The following FGA variants were observed in gnomAD, a reference collection of about 807,000 sequenced individuals.
The protein encoded by FGA is fibrinogen alpha chain, also known as fibrinogen, A alpha polypeptide.
A neutral mutation model predicts 20.3 loss-of-function variants in FGA; 20 were observed. That is an observed-to-expected ratio of 0.99 (90% CI 0.69 to 1.43). The LOEUF (loss-of-function observed/expected upper bound fraction) is 1.43. Among genes scored for constraint, FGA ranks in the 40% most tolerant of loss-of-function variants. FGA has a pLI of 0.00. For synonymous variants in FGA, 306 were observed against 281.6 expected (o/e 1.09, Z -0.87); for missense variants, 777 against 784.7 (o/e 0.99, Z 0.12).
chr4:154,584,101 G>GCTCCCATTCCCACTTCGAAGACAGAGTT, downstream of FGA: 1 of 1,557,528 alleles, frequency 6.4e-7, no homozygotes, highest in Non-Finnish European at 8.9e-7. Flanking sequence ...AAGACAGAGT[G>GCTCCCATTCCCACTTCGAAGACAGAGTT]CTCCCATTCC....
Position 154,585,674 on chromosome 4 carries a change from AC to A in FGA, c.1754del (p.Ser585IlefsTer64). The part of the protein sequence containing the change: ...KSSSYSKQFT[S>X]STSYNRGDST... Reference sequence around the variant, plus strand: ...AGTCTCCTCTGTTGTAACTCGTGCTACTAGTAAATTGTTTGCTGTAACTTGA... The same window carrying A: ...AGTCTCCTCTGTTGTAACTCGTGCTATAGTAAATTGTTTGCTGTAACTTGA... On this transcript the variant is annotated frameshift_variant, in exon 5 of 5. Coordinates refer to ENST00000403106, the MANE Select transcript of FGA (RefSeq NM_021871.4). LOFTEE classifies it low-confidence loss of function (END_TRUNC). 6.2e-7 allele frequency: 1 copy of A among 1,614,156 alleles called. No homozygotes were observed. The highest frequency in any genetic ancestry group is 8.5e-7 in the Non-Finnish European group (1 of 1,180,010).
At chr4:154,587,679 T>C in intron 3 of FGA, 22 bp from the exon 4 acceptor site, 1 of 1,609,818 alleles carries the variant, frequency 6.2e-7, no homozygotes, top group Non-Finnish European at 8.5e-7. Flanking sequence ...AATATGGTTA[T>C]TGAAGTAGCT....
chr4:154,584,614 T>TC (rs1467962264), downstream of FGA: 1 of 1,614,080 alleles, frequency 6.2e-7, no homozygotes, highest in South Asian at 1.1e-5. Context: ...GAATTCTCCT[T>TC]CCCCCTCGTC....
At position 154,586,379 on chromosome 4, in the gene FGA, C is replaced by T; in HGVS notation, c.1050G>A (p.Gly350=). ...TTCCGGTACTACCAGGTCTAGGGCT[C>T]CCAGGGTTTTGGTTTCCAGTACTTC... The part of the protein sequence containing the change: ...GTGSTGNQNP[G]SPRPGSTGTW... Residue 350 remains glycine, a synonymous_variant, in exon 5 of 5, where the codon GGG becomes GGA. Transcript: ENST00000403106. 6.2e-7 allele frequency: 1 copy of T among 1,614,128 alleles called. No individual in the cohort carries two copies. Among genetic ancestry groups the T allele is most frequent in the Non-Finnish European group, 8.5e-7 (1 of 1,180,010 alleles).
rs773693631 is a variant in FGA, at chr4:154,585,617, T to C, written c.1812A>G (p.Ala604=). The change falls in exon 5 of 5, where the codon GCA becomes GCG. Residue 604 remains alanine (A), a synonymous_variant. Transcript: ENST00000403106. The part of the protein sequence containing the change: ...STFESKSYKM[A]DEAGSEADHE... ...GATCGGCTTCACTTCCGGCCTCATC[T>C]GCCATTTTATAGCTCTTGCTTTCAA... 43 of 1,614,110 alleles carry C rather than the reference T, an allele frequency of 2.7e-5. No individual in the cohort carries two copies. The highest frequency in any genetic ancestry group is 3.2e-5 in the Non-Finnish European group (38 of 1,180,032).
downstream of FGA, among the ~76,000 whole-genome samples, chr4:154,585,008 A>G (rs1215768483): frequency 6.6e-6 from 1 of 152,186 alleles, no homozygotes; most frequent in African/African-American, 2.4e-5. Context: ...ACTTATGCAA[A>G]TAAGCGGTTA....
chr4:154,588,728 C>T lies in FGA; in HGVS notation c.364+65G>A. Reference sequence around the variant, plus strand: ...AATTGTCATAGATATAAGCGGATATCATATTTATTTAGGATTTTTGTTGTT... The same window carrying T: ...AATTGTCATAGATATAAGCGGATATTATATTTATTTAGGATTTTTGTTGTT... On this transcript the variant is annotated intron_variant, in intron 3 of 4. Coordinates refer to ENST00000403106, the MANE Select transcript of FGA (RefSeq NM_021871.4). 2.7e-6 allele frequency: 3 copies of T among 1,132,064 alleles called. No individual in the cohort carries two copies. In the South Asian group the frequency reaches 3.7e-5, roughly 14 times the overall value. The allele number at this position is 1,132,064 out of a possible 1,614,324, so 70.1% of individuals were successfully genotyped here.
downstream of FGA, chr4:154,584,117 C>CGAAGACAGAGTGCTCCCATTCCCACTTT: frequency 6.2e-7 from 1 of 1,607,654 alleles, no homozygotes; most frequent in Non-Finnish European, 8.5e-7. Flanking sequence ...ATTCCCACTT[C>CGAAGACAGAGTGCTCCCATTCCCACTTT]TTCAGCCTAT....
At chr4:154,584,966 A>G (rs187633826), downstream of FGA, 1 of 806,532 alleles carries the variant, frequency 1.2e-6, no homozygotes, top group East Asian at 2.7e-5. Flanking sequence ...CCTTCCCTCC[A>G]TAGGGAAAGG....
At position 154,586,645 on chromosome 4, in the gene FGA, C is replaced by G. The variant is rs1730730138; in HGVS notation, c.784G>C (p.Glu262Gln). 1.2e-6 allele frequency: 2 copies of G among 1,614,230 alleles called. No homozygotes were observed. Among genetic ancestry groups the G allele is most frequent in the Non-Finnish European group, 8.5e-7 (1 of 1,180,044 alleles). The stretch of plus-strand genomic sequence containing the variant: ...GTAATCTCATTTCCACCAGGTCTCT[C>G]TAACTCCATTCTCATCTGCGGCATG... ...TDMPQMRMEL[E>Q]RPGGNEITRG... The change falls in exon 5 of 5, where the codon GAG becomes CAG. Residue 262 changes from glutamate (E) to glutamine (Q), a missense_variant. Physicochemically the swap from Glu to Gln is conservative, Grantham distance 29. Coordinates refer to ENST00000403106, the MANE Select transcript of FGA (RefSeq NM_021871.4).
downstream of FGA, chr4:154,585,152 C>G (rs908118377): frequency 1.2e-5 from 12 of 987,532 alleles, no homozygotes; most frequent in Middle Eastern, 3.7e-4. Context: ...TTAGCCTGAC[C>G]TAAATGTCAA....
At chr4:154,589,797 C>T (rs72681232) in intron 1 of FGA, among the ~76,000 whole-genome samples, 2 of 152,294 alleles carry the variant, frequency 1.3e-5, no homozygotes, top group Non-Finnish European at 2.9e-5. Context: ...AATTTCTTAA[C>T]TGTGTGTGAC....
downstream of FGA, chr4:154,583,764 C>T (rs1730640777): frequency 4.6e-6 from 1 of 215,750 alleles, no homozygotes; most frequent in Middle Eastern, 1.9e-3. Context: ...CAACTTTTTG[C>T]TTTCCAATGG....
Position 154,588,496 on chromosome 4 carries a change from T to G in FGA, c.364+297A>C, listed in dbSNP as rs548972930. On this transcript the variant is annotated intron_variant, in intron 3 of 4. Coordinates refer to ENST00000403106, the MANE Select transcript of FGA (RefSeq NM_021871.4). ...AACAAAAATATCAACTCAAAGAGTC[T>G]GACCCATCCTACTTTCAGTATATAC... is the stretch of plus-strand genomic sequence containing the variant. Among the ~76,000 whole-genome samples, 3 of 152,356 alleles carry G rather than the reference T, an allele frequency of 2.0e-5. No individual in the cohort carries two copies. The East Asian group carries it at 5.8e-4, about 29-fold the overall frequency.
At chr4:154,587,386 A>G in intron 4 of FGA, 126 bp downstream of exon 4, 1 of 915,770 alleles carries the variant, frequency 1.1e-6, no homozygotes, top group South Asian at 1.4e-5. Flanking sequence ...AATAATACCT[A>G]CTTTTAGGTA....
rs1560826095 is a variant in FGA at position 154,586,851 on chromosome 4, T to A, written c.578A>T (p.Asp193Val). ...CTGCTGATCTTCATAGTCCTTCAGA[T>A]CTACTTCACGAGCTAAAGCCCTACT... ...SCSRALAREV[D>V]LKDYEDQQKQ... Residue 193 changes from aspartate to valine, a missense_variant, in exon 5 of 5, where the codon GAT becomes GTT. Coordinates refer to ENST00000403106, the MANE Select transcript of FGA (RefSeq NM_021871.4). 1 of 1,614,134 alleles carries A rather than the reference T, an allele frequency of 6.2e-7. No individual in the cohort carries two copies. The highest frequency in any genetic ancestry group is 8.5e-7 in the Non-Finnish European group (1 of 1,179,992).
downstream of FGA, chr4:154,584,051 G>T (rs994957857): frequency 6.7e-6 from 6 of 890,824 alleles, no homozygotes; most frequent in Admixed American, 2.3e-5. Context: ...AATCTCAACT[G>T]CTTTACCTTT....
chr4:154,586,992 A>G (rs1458749969), intron 4 of FGA, 74 bp from the exon 5 acceptor site: 1 of 1,471,614 alleles, frequency 6.8e-7, no homozygotes, highest in Non-Finnish European at 9.4e-7. Context: ...AGTTCCTGGT[A>G]GTTAATTTTC....
At chr4:154,584,236 C>T (rs921175712), downstream of FGA, 1 of 1,612,518 alleles carries the variant, frequency 6.2e-7, no homozygotes, top group Non-Finnish European at 8.5e-7. Flanking sequence ...ACTGTTATTC[C>T]TTGGGTCATA....
Sources: allele counts gnomAD v4.1 joint callset (sites outside exome capture counted in the v4.1 genomes callset), GRCh38; gene constraint gnomAD v4.1.1; transcripts MANE v1.5; gene names NCBI Gene and HGNC (gene_info 2026-07-23, HGNC 2026-07-21).